The following MTUS1 variants were observed in gnomAD, a reference collection of about 807,000 sequenced individuals.
The protein encoded by MTUS1 is microtubule-associated tumor suppressor 1.
Under a neutral mutation model 120.8 loss-of-function variants are expected in MTUS1, and 109 were observed. The observed-to-expected ratio is 0.90, with a 90% CI of 0.77 to 1.06. The LOEUF (loss-of-function observed/expected upper bound fraction) is 1.06, where lower values mean the gene tolerates loss of function less well. MTUS1 is among the 50% of genes least tolerant of loss of function. The pLI, the probability that MTUS1 is intolerant of heterozygous loss-of-function variation, is 0.00. For synonymous variants in MTUS1, 737 were observed against 550.5 expected (o/e 1.34, Z -4.74); for missense variants, 2,210 against 1,486.3 (o/e 1.49, Z -8.01).
intron 1 of MTUS1, among the ~76,000 whole-genome samples, chr8:17,800,176 A>C (rs901193888): frequency 2.0e-5 from 3 of 151,922 alleles, no homozygotes; most frequent in African/African-American, 7.3e-5. Flanking sequence ...TCTCTTTTTT[A>C]ATCCCCTCCC....
intron 3 of MTUS1, among the ~76,000 whole-genome samples, chr8:17,740,877 T>C (rs1200302880): frequency 6.6e-6 from 1 of 152,170 alleles, no homozygotes; most frequent in African/African-American, 2.4e-5. Context: ...TCCTCTTTTC[T>C]TTTTTGAAAG....
chr8:17,758,271 C>A (rs1470561783), intron 1 of MTUS1: 5 of 152,196 alleles, frequency 3.3e-5, no homozygotes, highest in Non-Finnish European at 7.3e-5. Flanking sequence ...TAACAGTGCT[C>A]TGTGTCTTTC....
intron 1 of MTUS1, among the ~76,000 whole-genome samples, chr8:17,775,567 T>C (rs1027713861): frequency 2.6e-5 from 4 of 152,204 alleles, no homozygotes; most frequent in African/African-American, 7.2e-5. Context: ...TTTCCTAAGT[T>C]TGCAAGTTCT....
At chr8:17,701,553 G>A (rs1280357470) in intron 6 of MTUS1, among the ~76,000 whole-genome samples, 1 of 151,934 alleles carries the variant, frequency 6.6e-6, no homozygotes, top group Admixed American at 6.6e-5. Flanking sequence ...GTTCATCGTA[G>A]AATTTTTTTT....
At chr8:17,671,708 T>C (rs971138439) in intron 8 of MTUS1, among the ~76,000 whole-genome samples, 2 of 152,216 alleles carry the variant, frequency 1.3e-5, no homozygotes, top group Non-Finnish European at 2.9e-5. Flanking sequence ...GTCCTTTTTC[T>C]TTGCAGTTCT....
At chr8:17,781,663 A>G (rs1436950134) in intron 1 of MTUS1, among the ~76,000 whole-genome samples, 2 of 152,224 alleles carry the variant, frequency 1.3e-5, no homozygotes, top group African/African-American at 4.8e-5. Context: ...ACACGCCAAG[A>G]AGAAATGCTG....
intron 2 of MTUS1, among the ~76,000 whole-genome samples, chr8:17,745,146 C>A (rs2047646587): frequency 6.6e-6 from 1 of 152,148 alleles, no homozygotes; most frequent in African/African-American, 2.4e-5. Flanking sequence ...TCATACCTTC[C>A]CCATACCACT....
intron 3 of MTUS1, among the ~76,000 whole-genome samples, chr8:17,743,389 G>A (rs928605529): frequency 4.6e-5 from 7 of 151,988 alleles, no homozygotes; most frequent in Admixed American, 3.9e-4. Flanking sequence ...CTTATAAGAT[G>A]GTTTATACAC....
chr8:17,794,812 G>C (rs2131599008), intron 1 of MTUS1, among the ~76,000 whole-genome samples: 1 of 152,326 alleles, frequency 6.6e-6, no homozygotes, highest in South Asian at 2.1e-4. Flanking sequence ...GAGGTCAGGG[G>C]AAGGGGGTAG....
At position 17,645,446 on chromosome 8, in the gene MTUS1, C is replaced by T. The variant is rs112235661; in HGVS notation, c.*480G>A. On this transcript the variant is annotated 3_prime_UTR_variant, in exon 15 of 15. Transcript: ENST00000693296. The stretch of plus-strand genomic sequence containing the variant: ...ATATCCAGATATATTCAGATTTTGA[C>T]ATTTAATACACAGCAGAGGAGGCTG... The T allele has an allele frequency of 0.027, 4,178 of 156,384 alleles. 95 individuals carry two copies. The highest frequency in any genetic ancestry group is 0.038 in the Non-Finnish European group (2,700 of 70,598). 9.7% of individuals were successfully genotyped at this position (156,384 alleles called of 1,614,324 possible).
intron 6 of MTUS1, among the ~76,000 whole-genome samples, chr8:17,703,214 G>A (rs1195535912): frequency 3.3e-5 from 5 of 152,270 alleles, no homozygotes; most frequent in South Asian, 2.1e-4. Context: ...ATGGACGTGC[G>A]AGTAGGAGAG....
chr8:17,719,633 C>T (rs569352460), intron 4 of MTUS1, among the ~76,000 whole-genome samples: 67 of 152,200 alleles, frequency 4.4e-4, no homozygotes, highest in African/African-American at 1.2e-3. Context: ...ACAGACATCA[C>T]GACTTGAACA....
rs2048547618 is a variant in MTUS1, at chr8:17,755,564, G to C, written c.244C>G (p.His82Asp). 1.2e-6 allele frequency: 2 copies of C among 1,614,100 alleles called. No individual in the cohort carries two copies. The highest frequency in any genetic ancestry group is 4.5e-5 in the East Asian group (2 of 44,878). Reference protein sequence around the residue: ...LSLQGVEVFGHEKSSSDFISK... With the variant: ...LSLQGVEVFGDEKSSSDFISK... ...ATGAAATCACTAGAAGACTTTTCATGACCAAATACTTCAACACCCTGAAGG... is the reference window on the plus strand; with the variant it reads ...ATGAAATCACTAGAAGACTTTTCATCACCAAATACTTCAACACCCTGAAGG... Residue 82 changes from histidine to aspartate, a missense_variant, in exon 2 of 15, where the codon CAT (histidine) becomes GAT (aspartate). His to Asp is a moderately conservative substitution (Grantham distance 81). Coordinates refer to ENST00000693296, the MANE Select transcript of MTUS1 (RefSeq NM_001363059.2).
rs557884875 is a variant in MTUS1 at position 17,754,080 on chromosome 8, C to G, written c.1728G>C (p.Lys576Asn). ...KAEILINKTHKQQFNKLITSQ... is the reference protein window; with the variant it reads ...KAEILINKTHNQQFNKLITSQ... ...TAGTAATGAGTTTATTAAACTGCTG[C>G]TTATGTGTCTTGTTAATTAGAATTT... is the stretch of plus-strand genomic sequence containing the variant. Residue 576 changes from lysine to asparagine, a missense_variant, in exon 2 of 15, where the codon AAG (lysine) becomes AAC (asparagine). Coordinates refer to ENST00000693296, the MANE Select transcript of MTUS1 (RefSeq NM_001363059.2). 2.5e-6 allele frequency: 4 copies of G among 1,613,840 alleles called. No individual in the cohort carries two copies. In the African/African-American group the frequency reaches 5.3e-5, roughly 22 times the overall value.
At chr8:17,732,456 G>C (rs956729903) in intron 3 of MTUS1, among the ~76,000 whole-genome samples, 1 of 152,150 alleles carries the variant, frequency 6.6e-6, no homozygotes, top group African/African-American at 2.4e-5. Flanking sequence ...TGACTCTGGA[G>C]AGTCCAGGGA....
At chr8:17,695,170 G>A (rs1817706985) in intron 6 of MTUS1, among the ~76,000 whole-genome samples, 2 of 152,154 alleles carry the variant, frequency 1.3e-5, no homozygotes, top group South Asian at 2.1e-4. Flanking sequence ...ACATGGATAA[G>A]CCCATCAAAG....
In MTUS1 at chr8:17,645,988, T is replaced by C. The variant is rs915512230; in HGVS notation, c.3751A>G (p.Ile1251Val). The change falls in exon 15 of 15, where the codon ATC becomes GTC. Residue 1251 changes from isoleucine (I) to valine (V), a missense_variant. By Grantham distance (29) the Ile-to-Val change is conservative (BLOSUM62 3). Coordinates refer to ENST00000693296, the MANE Select transcript of MTUS1 (RefSeq NM_001363059.2). The stretch of plus-strand genomic sequence containing the variant: ...GAATTCCTTGGTGACTGCAAAGGGA[T>C]GGCGGAGGATGTGGGGGATCTCTTG... ...SPKRSPTSSA[I>V]PLQSPRNSGS... The C allele has an allele frequency of 2.5e-6, 4 of 1,613,514 alleles. No individual in the cohort carries two copies. The Admixed American group carries it at 5.0e-5, about 20-fold the overall frequency.
At chr8:17,702,242 C>T (rs575556634) in intron 6 of MTUS1, among the ~76,000 whole-genome samples, 2 of 152,174 alleles carry the variant, frequency 1.3e-5, no homozygotes, top group East Asian at 3.9e-4. Context: ...TTCGCCAGTA[C>T]CAGGTGCTAA....
At chr8:17,672,548 C>T (rs1365402339) in intron 8 of MTUS1, among the ~76,000 whole-genome samples, 1 of 152,180 alleles carries the variant, frequency 6.6e-6, no homozygotes, top group Non-Finnish European at 1.5e-5. Flanking sequence ...AACTAACAAT[C>T]CCACTGGCAG....
Sources: allele counts gnomAD v4.1 joint callset (sites outside exome capture counted in the v4.1 genomes callset), GRCh38; gene constraint gnomAD v4.1.1; transcripts MANE v1.5; gene names NCBI Gene and HGNC (gene_info 2026-07-23, HGNC 2026-07-21).